SMAP1: variants seen among roughly 807,000 people sequenced by gnomAD.
The protein encoded by SMAP1 is stromal membrane-associated protein 1.
SMAP1 carries 24 observed loss-of-function variants against 58.5 expected under a neutral mutation model. The observed-to-expected ratio is 0.41, with a 90% confidence interval of 0.30 to 0.58. SMAP1 has a LOEUF of 0.58. Ranked by LOEUF, SMAP1 falls within the 20% of genes least tolerant of loss-of-function variation. The probability of loss-of-function intolerance (pLI) is 0.29; values close to 1 mark genes in which losing one functional copy is unlikely to be tolerated. For synonymous variants in SMAP1, 216 were observed against 196.6 expected, an observed-to-expected ratio of 1.10 and a Z score of -0.82; for missense variants, 563 against 566.3, an observed-to-expected ratio of 0.99 and a Z score of 0.06.
intron 6 of SMAP1, among the ~76,000 whole-genome samples, chr6:70,802,358 G>C (rs1401539251): frequency 2.6e-5 from 4 of 152,066 alleles, no homozygotes; most frequent in Non-Finnish European, 5.9e-5. Context: ...CATTGATTTT[G>C]TATCCTGAAA....
chr6:70,784,951 A>T (rs1447800737), intron 4 of SMAP1, among the ~76,000 whole-genome samples: 1 of 152,200 alleles, frequency 6.6e-6, no homozygotes, highest in African/African-American at 2.4e-5. Context: ...CACCAAGTGG[A>T]CCTAATAGAC....
intron 1 of SMAP1, among the ~76,000 whole-genome samples, chr6:70,726,425 A>G (rs541775419): frequency 5.2e-4 from 79 of 152,350 alleles, no homozygotes; most frequent in Non-Finnish European, 1.0e-3. Flanking sequence ...AGATAAAACA[A>G]TTAACTGTAA....
rs193253088 is a variant in SMAP1 at position 70,765,582 on chromosome 6, C to A, written c.339-7768C>A. ...TTTGTAAAGCAAAAATTGTATTGAG[C>A]ACCTCCTACCATAATGAAGTTGAAA... is the stretch of plus-strand genomic sequence containing the variant. On this transcript the variant is annotated intron_variant, in intron 3 of 10. Transcript: ENST00000370455. Among the ~76,000 whole-genome samples, 275 of 152,204 alleles carry A rather than the reference C, an allele frequency of 1.8e-3. 1 individual carries two copies. The highest frequency in any genetic ancestry group is 6.0e-3 in the African/African-American group (248 of 41,536).
rs561013745 is a variant in SMAP1 at position 70,768,174 on chromosome 6, G to A, written c.339-5176G>A. On this transcript the variant is annotated intron_variant, in intron 3 of 10. Coordinates refer to ENST00000370455, the MANE Select transcript of SMAP1 (RefSeq NM_001044305.3). ...TGCCAGTATTTTACTGAGGATTTTT[G>A]CATCAATGTTCATCAAGGAGATTGG... 3.9e-5 allele frequency among the ~76,000 whole-genome samples: 6 copies of A among 152,242 alleles called. No individual in the cohort carries two copies. In the East Asian group the frequency reaches 1.2e-3, roughly 29 times the overall value.
intron 9 of SMAP1, chr6:70,857,427 C>T (rs1353245992): frequency 6.0e-6 from 1 of 166,982 alleles, no homozygotes; most frequent in Non-Finnish European, 1.3e-5. Flanking sequence ...GTAATCATAA[C>T]AAAATATTAG....
At chr6:70,810,008 G>C (rs962705835) in intron 6 of SMAP1, among the ~76,000 whole-genome samples, 1 of 151,980 alleles carries the variant, frequency 6.6e-6, no homozygotes, top group Non-Finnish European at 1.5e-5. Context: ...TTAGCTAGGA[G>C]GCATTAAAAA....
At chr6:70,739,389 A>G (rs996844975) in intron 2 of SMAP1, among the ~76,000 whole-genome samples, 3 of 152,186 alleles carry the variant, frequency 2.0e-5, no homozygotes, top group Admixed American at 6.5e-5. Context: ...ATTTAAAATG[A>G]TATAACTGGC....
intron 1 of SMAP1, among the ~76,000 whole-genome samples, chr6:70,719,304 T>A (rs979382352): frequency 5.9e-5 from 9 of 152,206 alleles, no homozygotes; most frequent in South Asian, 2.1e-4. Flanking sequence ...GATACTTTTT[T>A]AAAAAATTCT....
At chr6:70,744,847 T>G (rs947858880) in intron 2 of SMAP1, among the ~76,000 whole-genome samples, 6 of 152,228 alleles carry the variant, frequency 3.9e-5, no homozygotes, top group Non-Finnish European at 8.8e-5. Flanking sequence ...GTTTCCTGAC[T>G]TTTTAATGAT....
chr6:70,841,100 A>C (rs954723861), intron 7 of SMAP1, among the ~76,000 whole-genome samples: 1 of 152,200 alleles, frequency 6.6e-6, no homozygotes, highest in Admixed American at 6.5e-5. Flanking sequence ...TAATGCTTCT[A>C]TTCAATGGGG....
chr6:70,793,094 G>A (rs1768438445), intron 5 of SMAP1, among the ~76,000 whole-genome samples: 2 of 152,052 alleles, frequency 1.3e-5, no homozygotes, highest in Admixed American at 1.3e-4. Flanking sequence ...GACTGCAGTG[G>A]CGCGATCTCG....
chr6:70,784,515 A>G (rs1360380973), intron 4 of SMAP1, among the ~76,000 whole-genome samples: 1 of 152,212 alleles, frequency 6.6e-6, no homozygotes, highest in African/African-American at 2.4e-5. Context: ...GGCAAAATGG[A>G]TAAAGAGTCA....
Position 70,805,111 on chromosome 6 carries a change from A to G in SMAP1, c.576+6374A>G, listed in dbSNP as rs187320829. 2.1e-3 allele frequency among the ~76,000 whole-genome samples: 325 copies of G among 151,834 alleles called. 3 individuals are homozygous for G. Among genetic ancestry groups the G allele is most frequent in the African/African-American group, 6.4e-3 (264 of 41,388 alleles). ...GAAGAGTGTTTTCCAACTTGGTTTC[A>G]TTCTCCCCATCACTTTCAGGTACAC... On this transcript the variant is annotated intron_variant, in intron 6 of 10. Coordinates refer to ENST00000370455, the MANE Select transcript of SMAP1 (RefSeq NM_001044305.3).
intron 1 of SMAP1, among the ~76,000 whole-genome samples, chr6:70,672,607 G>GGT (rs1326982916): frequency 1.3e-5 from 2 of 152,168 alleles, no homozygotes; most frequent in African/African-American, 4.8e-5. Flanking sequence ...TGTTTATCTT[G>GGT]GTTAGGGTAG....
At chr6:70,683,674 G>A (rs181237958) in intron 1 of SMAP1, among the ~76,000 whole-genome samples, 136 of 152,212 alleles carry the variant, frequency 8.9e-4, no homozygotes, top group South Asian at 4.4e-3. Flanking sequence ...CCATAAGACC[G>A]TGAATAAGTG....
chr6:70,695,774 G>T (rs1284476348), intron 1 of SMAP1, among the ~76,000 whole-genome samples: 1 of 152,124 alleles, frequency 6.6e-6, no homozygotes. Flanking sequence ...TGGTATCAGG[G>T]TGATACTAGC....
intron 4 of SMAP1, among the ~76,000 whole-genome samples, chr6:70,774,073 A>G (rs577310006): frequency 2.0e-5 from 3 of 152,326 alleles, no homozygotes; most frequent in South Asian, 2.1e-4. Context: ...AGTATTCACT[A>G]TAGTAACATG....
chr6:70,725,106 T>A (rs1222263709), intron 1 of SMAP1, among the ~76,000 whole-genome samples: 1 of 92,558 alleles, frequency 1.1e-5, no homozygotes, highest in African/African-American at 4.3e-5. Context: ...TTTTTTTTTT[T>A]TTTTTTTTTT....
intron 3 of SMAP1, among the ~76,000 whole-genome samples, chr6:70,770,481 CG>C (rs1767232947): frequency 6.6e-6 from 1 of 152,196 alleles, no homozygotes; most frequent in African/African-American, 2.4e-5. Flanking sequence ...CTTCCCTTCT[CG>C]CTTCATTTCA....
Sources: allele counts gnomAD v4.1 joint callset (sites outside exome capture counted in the v4.1 genomes callset), GRCh38; gene constraint gnomAD v4.1.1; transcripts MANE v1.5; gene names NCBI Gene and HGNC (gene_info 2026-07-23, HGNC 2026-07-21).